The following OPCML variants were observed in gnomAD, a reference collection of about 807,000 sequenced individuals.
OPCML encodes opioid binding protein/cell adhesion molecule like.
OPCML carries 13 observed loss-of-function variants against 37.8 expected under a neutral mutation model. The ratio of observed to expected loss-of-function variants is 0.34; its 90% confidence interval spans 0.22 to 0.55. OPCML has a LOEUF of 0.55. Among genes scored for constraint, OPCML ranks in the 20% least tolerant of loss-of-function variants. The probability of loss-of-function intolerance (pLI) is 0.91; values close to 1 mark genes in which losing one functional copy is unlikely to be tolerated. For synonymous variants in OPCML, 176 were observed against 168.8 expected (o/e 1.04, Z -0.33); for missense variants, 341 against 435.6 (o/e 0.78, Z 1.93).
At chr11:132,436,054 G>T (rs201276893) in intron 7 of OPCML, 32 bp downstream of exon 7, 46 of 1,601,474 alleles carry the variant, frequency 2.9e-5, no homozygotes, top group Non-Finnish European at 3.7e-5. Context: ...CCATGTGGCT[G>T]AGCCCACTGC....
intron 2 of OPCML, among the ~76,000 whole-genome samples, chr11:132,931,666 T>C (rs113788149): frequency 0.014 from 2,058 of 152,266 alleles, 50 homozygotes; most frequent in African/African-American, 0.047. Flanking sequence ...AAATAAGTGT[T>C]GGCAAGAAGG....
chr11:133,465,078 C>A (rs537015783), intron 1 of OPCML, among the ~76,000 whole-genome samples: 2 of 152,260 alleles, frequency 1.3e-5, no homozygotes, highest in South Asian at 2.1e-4. Flanking sequence ...CAGATGTTTT[C>A]TTTTATGGTT....
rs1225367361 is a variant in OPCML, at chr11:133,040,336, C to T, written c.62-97326G>A. Among the ~76,000 whole-genome samples, 3 of 152,156 alleles carry T rather than the reference C, an allele frequency of 2.0e-5. No homozygotes were observed. In the East Asian group the frequency reaches 5.8e-4, roughly 29 times the overall value. The stretch of plus-strand genomic sequence containing the variant: ...CCACCTACCCCACAACCTGTAGCCT[C>T]CACTCATCTCCCTAAAACTCTGCTC... On this transcript the variant is annotated intron_variant, in intron 1 of 7. Coordinates refer to ENST00000524381, the MANE Select transcript of OPCML (RefSeq NM_001012393.5).
At chr11:133,099,084 C>A (rs1483873132) in intron 1 of OPCML, among the ~76,000 whole-genome samples, 8 of 151,954 alleles carry the variant, frequency 5.3e-5, no homozygotes, top group African/African-American at 1.9e-4. Flanking sequence ...TTAGCACCCC[C>A]AAAATAAAAG....
chr11:133,490,497 C>T (rs556899176), intron 1 of OPCML, among the ~76,000 whole-genome samples: 6 of 152,182 alleles, frequency 3.9e-5, no homozygotes, highest in African/African-American at 1.2e-4. Context: ...TGAAGTAAAA[C>T]GAGGGTCAGG....
chr11:133,411,578 C>A (rs1945653275), intron 1 of OPCML, among the ~76,000 whole-genome samples: 1 of 152,172 alleles, frequency 6.6e-6, no homozygotes. Context: ...TGTCACCTCA[C>A]AGTCTTAGAA....
chr11:132,837,756 AGGCAGACTGGATGGACAGGGCATG>A (rs1941099775), intron 2 of OPCML, among the ~76,000 whole-genome samples: 1 of 152,184 alleles, frequency 6.6e-6, no homozygotes, highest in South Asian at 2.1e-4. Flanking sequence ...GGCGTCCATG[AGGCAGACTGGATGGACAGGGCATG>A]GCGGGGGAAG....
At chr11:133,031,299 G>C (rs1174748724) in intron 1 of OPCML, among the ~76,000 whole-genome samples, 1 of 152,086 alleles carries the variant, frequency 6.6e-6, no homozygotes, top group African/African-American at 2.4e-5. Flanking sequence ...TGGGTGGATG[G>C]ATAGATGGAT....
intron 4 of OPCML, among the ~76,000 whole-genome samples, chr11:132,458,418 C>T (rs535705775): frequency 8.5e-5 from 13 of 152,252 alleles, no homozygotes; most frequent in Admixed American, 2.0e-4. Context: ...AGATAAAGAC[C>T]GGTGATTCCT....
intron 2 of OPCML, among the ~76,000 whole-genome samples, chr11:132,803,573 C>T (rs190055973): frequency 6.6e-6 from 1 of 152,126 alleles, no homozygotes; most frequent in East Asian, 1.9e-4. Flanking sequence ...GGCCTAAAGC[C>T]CAAACTCACT....
At chr11:133,364,941 C>T (rs1944506141) in intron 1 of OPCML, among the ~76,000 whole-genome samples, 1 of 152,152 alleles carries the variant, frequency 6.6e-6, no homozygotes, top group Non-Finnish European at 1.5e-5. Flanking sequence ...TCTTTAGTCA[C>T]AACTTTTTCA....
chr11:132,437,164 T>G, intron 5 of OPCML, 58 bp downstream of exon 5: 1 of 1,589,016 alleles, frequency 6.3e-7, no homozygotes, highest in Non-Finnish European at 8.6e-7. Flanking sequence ...TACCAGATTG[T>G]CCACCTACTC....
chr11:132,545,714 C>T (rs1466247899), intron 3 of OPCML, among the ~76,000 whole-genome samples: 3 of 152,096 alleles, frequency 2.0e-5, no homozygotes, highest in Admixed American at 6.6e-5. Context: ...ACAAAGGTAG[C>T]AGAGTATATA....
chr11:132,526,037 C>T (rs1040839587), intron 4 of OPCML: 7 of 152,074 alleles, frequency 4.6e-5, no homozygotes, highest in African/African-American at 1.4e-4. Context: ...AGAGAGGGAT[C>T]ATTTAAATTT....
chr11:132,795,164 C>G (rs1938230931), intron 2 of OPCML, among the ~76,000 whole-genome samples: 1 of 152,010 alleles, frequency 6.6e-6, no homozygotes, highest in Admixed American at 6.6e-5. Flanking sequence ...TTTCAAATAT[C>G]TTGTTGAGTA....
intron 2 of OPCML, among the ~76,000 whole-genome samples, chr11:132,914,301 C>T (rs914074256): frequency 2.0e-5 from 3 of 152,216 alleles, no homozygotes; most frequent in African/African-American, 4.8e-5. Flanking sequence ...AAGTCAATAT[C>T]GCTTGATCCA....
At chr11:133,081,143 T>G (rs1014175381) in intron 1 of OPCML, among the ~76,000 whole-genome samples, 1 of 152,194 alleles carries the variant, frequency 6.6e-6, no homozygotes, top group Non-Finnish European at 1.5e-5. Context: ...GCTCCTGACT[T>G]CAGGGTGACA....
At chr11:132,454,590 G>A (rs1359921926) in intron 4 of OPCML, among the ~76,000 whole-genome samples, 1 of 152,224 alleles carries the variant, frequency 6.6e-6, no homozygotes, top group African/African-American at 2.4e-5. Flanking sequence ...GAGGACAGAT[G>A]ATGGGAGAAG....
chr11:133,508,757 C>T (rs1245861397), intron 1 of OPCML, among the ~76,000 whole-genome samples: 4 of 152,192 alleles, frequency 2.6e-5, no homozygotes, highest in African/African-American at 9.7e-5. Context: ...AGCCTTGTCC[C>T]TCCACGCCGG....
Sources: gnomAD v4.1 joint callset for allele counts (sites outside exome capture counted in the v4.1 genomes callset) on GRCh38, gnomAD v4.1.1 for gene constraint, MANE v1.5 for transcripts, NCBI Gene and HGNC (gene_info 2026-07-23, HGNC 2026-07-21) for gene names.